GPC6: variants seen among roughly 807,000 people sequenced by gnomAD.
GPC6 encodes the protein glypican 6.
Under a neutral mutation model 55.2 loss-of-function variants are expected in GPC6, and 14 were observed. The observed-to-expected ratio is 0.25, with a 90% CI of 0.17 to 0.40. The LOEUF (loss-of-function observed/expected upper bound fraction) is 0.40, where lower values mean the gene tolerates loss of function less well. GPC6 is among the 10% of genes least tolerant of loss of function. GPC6 has a pLI of 1.00. For synonymous variants in GPC6, 278 were observed against 259.6 expected (o/e 1.07, Z -0.68); for missense variants, 641 against 708.5 (o/e 0.90, Z 1.08).
intron 2 of GPC6, among the ~76,000 whole-genome samples, chr13:93,819,525 G>C (rs1247851433): frequency 6.6e-6 from 1 of 152,174 alleles, no homozygotes; most frequent in Admixed American, 6.5e-5. Flanking sequence ...CCACACTCTG[G>C]TTAATGTCAT....
intron 2 of GPC6, among the ~76,000 whole-genome samples, chr13:93,735,144 GA>G (rs1331441057): frequency 6.6e-6 from 1 of 151,998 alleles, no homozygotes; most frequent in African/African-American, 2.4e-5. Flanking sequence ...CAATATAAAG[GA>G]AAAACAAGGA....
chr13:94,108,635 G>GT (rs1886138193), intron 4 of GPC6, among the ~76,000 whole-genome samples: 2 of 152,124 alleles, frequency 1.3e-5, no homozygotes, highest in Non-Finnish European at 2.9e-5. Context: ...GAGGTCAGGA[G>GT]TTCAAGACCA....
At chr13:93,294,567 G>C (rs1878421148) in intron 1 of GPC6, among the ~76,000 whole-genome samples, 1 of 152,052 alleles carries the variant, frequency 6.6e-6, no homozygotes, top group South Asian at 2.1e-4. Flanking sequence ...CATACCGTAT[G>C]CTTGGCACTC....
At chr13:93,422,355 G>A (rs1260223724) in intron 1 of GPC6, among the ~76,000 whole-genome samples, 1 of 152,156 alleles carries the variant, frequency 6.6e-6, no homozygotes, top group Non-Finnish European at 1.5e-5. Flanking sequence ...TTAAAGTATA[G>A]TTTGCCTTTA....
chr13:93,686,183 A>G (rs752650148), intron 2 of GPC6, among the ~76,000 whole-genome samples: 25 of 152,250 alleles, frequency 1.6e-4, no homozygotes, highest in Non-Finnish European at 3.1e-4. Context: ...CATCACTTTA[A>G]ATAGGTTTAA....
chr13:93,423,576 T>C (rs1877009671), intron 1 of GPC6, among the ~76,000 whole-genome samples: 1 of 152,246 alleles, frequency 6.6e-6, no homozygotes, highest in Non-Finnish European at 1.5e-5. Context: ...TGTTTAAATG[T>C]GCTTATTTTT....
At chr13:94,328,453 G>A (rs1877237098) in intron 6 of GPC6, among the ~76,000 whole-genome samples, 1 of 152,208 alleles carries the variant, frequency 6.6e-6, no homozygotes, top group Non-Finnish European at 1.5e-5. Context: ...AGAGGGAAAA[G>A]CCACACGAAG....
At chr13:94,271,042 T>A (rs566903767) in intron 4 of GPC6, among the ~76,000 whole-genome samples, 13 of 125,446 alleles carry the variant, frequency 1.0e-4, no homozygotes, top group African/African-American at 3.9e-4. Flanking sequence ...CAGGCTGGAG[T>A]GCAGTGGCGC....
intron 3 of GPC6, among the ~76,000 whole-genome samples, chr13:93,938,913 C>T (rs977714100): frequency 6.6e-6 from 1 of 151,950 alleles, no homozygotes; most frequent in Non-Finnish European, 1.5e-5. Context: ...ACCATCCGGG[C>T]CAACACGGTG....
chr13:93,941,907 G>A (rs758494568), intron 3 of GPC6, among the ~76,000 whole-genome samples: 2 of 152,096 alleles, frequency 1.3e-5, no homozygotes, highest in Non-Finnish European at 2.9e-5. Context: ...CTTTCCTATG[G>A]TGCAAAACGA....
chr13:93,873,911 C>T (rs1255291250), intron 3 of GPC6, among the ~76,000 whole-genome samples: 1 of 151,828 alleles, frequency 6.6e-6, no homozygotes, highest in Non-Finnish European at 1.5e-5. Flanking sequence ...AGAATCTATC[C>T]CCAATGTGAG....
chr13:93,879,294 C>T (rs535929343), intron 3 of GPC6, among the ~76,000 whole-genome samples: 1 of 152,226 alleles, frequency 6.6e-6, no homozygotes, highest in Admixed American at 6.5e-5. Context: ...GGAGGCATCA[C>T]ACTACCTGAC....
At chr13:94,303,572 T>G (rs1024755764) in intron 5 of GPC6, among the ~76,000 whole-genome samples, 1 of 152,212 alleles carries the variant, frequency 6.6e-6, no homozygotes, top group Non-Finnish European at 1.5e-5. Context: ...CAGATTGTTA[T>G]GTAGGTCTCC....
intron 2 of GPC6, among the ~76,000 whole-genome samples, chr13:93,790,565 C>A (rs1387897258): frequency 6.6e-6 from 1 of 152,138 alleles, no homozygotes; most frequent in Non-Finnish European, 1.5e-5. Context: ...CATACACACT[C>A]CTTTACTTTA....
chr13:93,423,813 C>CT (rs1877018093), intron 1 of GPC6, among the ~76,000 whole-genome samples: 1 of 151,862 alleles, frequency 6.6e-6, no homozygotes, highest in African/African-American at 2.4e-5. Context: ...ATAGAAAGTG[C>CT]TTCATGTATA....
At chr13:93,937,610 G>A (rs1044038107) in intron 3 of GPC6, among the ~76,000 whole-genome samples, 8 of 151,906 alleles carry the variant, frequency 5.3e-5, no homozygotes, top group East Asian at 1.9e-4. Flanking sequence ...ATGGAGTCTC[G>A]CTCTGTTGCC....
At chr13:93,995,168 ATTTT>A (rs1453998050) in intron 3 of GPC6, among the ~76,000 whole-genome samples, 3 of 145,348 alleles carry the variant, frequency 2.1e-5, no homozygotes, top group Non-Finnish European at 4.5e-5. Context: ...CAACTATTTT[ATTTT>A]ATTTTATTTT....
At chr13:94,126,006 G>GA (rs1403250134) in intron 4 of GPC6, among the ~76,000 whole-genome samples, 1 of 152,006 alleles carries the variant, frequency 6.6e-6, no homozygotes, top group East Asian at 1.9e-4. Context: ...TATGTGTATG[G>GA]AAAATTTTAA....
chr13:94,277,566 C>A (rs1187545910), intron 4 of GPC6, among the ~76,000 whole-genome samples: 1 of 152,090 alleles, frequency 6.6e-6, no homozygotes, highest in Non-Finnish European at 1.5e-5. Flanking sequence ...AGTTTTGAGT[C>A]TTACATTTAA....
Sources: gnomAD v4.1 joint callset for allele counts (sites outside exome capture counted in the v4.1 genomes callset) on GRCh38, gnomAD v4.1.1 for gene constraint, MANE v1.5 for transcripts, NCBI Gene and HGNC (gene_info 2026-07-23, HGNC 2026-07-21) for gene names.